The following ADARB2 variants were observed in gnomAD, a reference collection of about 807,000 sequenced individuals.
ADARB2 encodes the protein inactive double-stranded RNA-specific editase B2.
Under a neutral mutation model 62.2 loss-of-function variants are expected in ADARB2, and 25 were observed. The observed-to-expected ratio is 0.40, with a 90% CI of 0.29 to 0.56. The LOEUF (loss-of-function observed/expected upper bound fraction) is 0.56. ADARB2 is among the 20% of genes least tolerant of loss of function. The pLI, the probability that ADARB2 is intolerant of heterozygous loss-of-function variation, is 0.43. For synonymous variants in ADARB2, 572 were observed against 500.8 expected (o/e 1.14, Z -1.90); for missense variants, 1,071 against 1,077.4 (o/e 0.99, Z 0.08).
intron 8 of ADARB2, among the ~76,000 whole-genome samples, chr10:1,185,516 A>C (rs1836740725): frequency 6.6e-6 from 1 of 152,066 alleles, no homozygotes; most frequent in Non-Finnish European, 1.5e-5. Flanking sequence ...AAAACAAAAC[A>C]ATAAAAACCA....
intron 2 of ADARB2, among the ~76,000 whole-genome samples, chr10:1,371,887 T>C (rs1832375887): frequency 8.0e-6 from 1 of 125,732 alleles, no homozygotes; most frequent in African/African-American, 2.7e-5. Context: ...TCCACTTCTA[T>C]GGAAAACGGT....
At chr10:1,474,916 C>A (rs376117906) in intron 1 of ADARB2, among the ~76,000 whole-genome samples, 13 of 152,276 alleles carry the variant, frequency 8.5e-5, no homozygotes, top group Admixed American at 5.9e-4. Flanking sequence ...ACGGCTGGAC[C>A]GAGCCCGGGG....
intron 1 of ADARB2, among the ~76,000 whole-genome samples, chr10:1,399,682 C>T (rs1236321900): frequency 6.6e-6 from 1 of 152,156 alleles, no homozygotes; most frequent in African/African-American, 2.4e-5. Context: ...GTGGTCTTTC[C>T]TACGTTCAGG....
At chr10:1,311,969 A>G (rs1157244328) in intron 3 of ADARB2, among the ~76,000 whole-genome samples, 1 of 152,210 alleles carries the variant, frequency 6.6e-6, no homozygotes, top group East Asian at 1.9e-4. Context: ...TCCTCCTGGT[A>G]CCTGCGGACT....
At chr10:1,520,737 C>T (rs1200423648) in intron 1 of ADARB2, among the ~76,000 whole-genome samples, 2 of 152,184 alleles carry the variant, frequency 1.3e-5, no homozygotes, top group Non-Finnish European at 2.9e-5. Flanking sequence ...TATGTATCAC[C>T]TCCTATGATA....
At chr10:1,647,983 G>T (rs1483482098) in intron 1 of ADARB2, among the ~76,000 whole-genome samples, 1 of 152,124 alleles carries the variant, frequency 6.6e-6, no homozygotes, top group Non-Finnish European at 1.5e-5. Flanking sequence ...CATTAAACTG[G>T]TGTGATAAAT....
At chr10:1,366,634 G>C (rs1832316137) in intron 2 of ADARB2, among the ~76,000 whole-genome samples, 1 of 152,148 alleles carries the variant, frequency 6.6e-6, no homozygotes, top group African/African-American at 2.4e-5. Flanking sequence ...TTCAGTCCTA[G>C]GCATCGGATC....
intron 1 of ADARB2, among the ~76,000 whole-genome samples, chr10:1,661,362 A>G (rs759108991): frequency 1.6e-4 from 24 of 152,164 alleles, no homozygotes; most frequent in Admixed American, 7.9e-4. Flanking sequence ...CAGATGGCCT[A>G]TGTCTCACAG....
At position 1,733,633 on chromosome 10, in the gene ADARB2, TAAC is replaced by T. The variant is rs538026268; in HGVS notation, c.100+3415_100+3417del. ...TTAATCTACCTGGTTGAACGGATAT[TAAC>T]AAAAAAAACCCTTTTTCTTTATTAT... On this transcript the variant is annotated intron_variant, in intron 1 of 9. Coordinates refer to ENST00000381312, the MANE Select transcript of ADARB2 (RefSeq NM_018702.4). Among the ~76,000 whole-genome samples the T allele has an allele frequency of 1.7e-3, 262 of 152,158 alleles. 5 individuals carry two copies. In the South Asian group the frequency reaches 0.035, roughly 20 times the overall value.
chr10:1,499,511 A>G (rs972707791), intron 1 of ADARB2, among the ~76,000 whole-genome samples: 3 of 150,872 alleles, frequency 2.0e-5, no homozygotes, highest in Admixed American at 6.6e-5. Context: ...TCACTCACTC[A>G]TTACTCACTC....
chr10:1,473,752 G>C (rs958060012), intron 1 of ADARB2, among the ~76,000 whole-genome samples: 2 of 152,242 alleles, frequency 1.3e-5, no homozygotes, highest in African/African-American at 2.4e-5. Flanking sequence ...ATAGACATTA[G>C]GGAAATTTAT....
chr10:1,183,973 C>T (rs1022603050), intron 9 of ADARB2, among the ~76,000 whole-genome samples: 1 of 152,216 alleles, frequency 6.6e-6, no homozygotes, highest in Non-Finnish European at 1.5e-5. Flanking sequence ...CCCTTTTGCT[C>T]AGCAGGACAG....
At chr10:1,562,308 T>C (rs1220327847) in intron 1 of ADARB2, among the ~76,000 whole-genome samples, 3 of 152,134 alleles carry the variant, frequency 2.0e-5, no homozygotes, top group African/African-American at 7.2e-5. Context: ...GAGGCCCTCA[T>C]CACTTGTGCA....
At chr10:1,199,109 ACAGG>A (rs1836948892) in intron 8 of ADARB2, among the ~76,000 whole-genome samples, 1 of 152,192 alleles carries the variant, frequency 6.6e-6, no homozygotes, top group Non-Finnish European at 1.5e-5. Flanking sequence ...TGATTCTGCC[ACAGG>A]CAGGCCCTTC....
At chr10:1,465,105 T>A (rs1033458490) in intron 1 of ADARB2, among the ~76,000 whole-genome samples, 4 of 152,224 alleles carry the variant, frequency 2.6e-5, no homozygotes. Context: ...TCAAGACACG[T>A]CCTGCTCGGT....
chr10:1,505,655 C>T (rs1831836635), intron 1 of ADARB2, among the ~76,000 whole-genome samples: 1 of 151,930 alleles, frequency 6.6e-6, no homozygotes, highest in Admixed American at 6.6e-5. Flanking sequence ...CCCACCATGG[C>T]AGCCACCTCC....
rs1487686371 is a variant in ADARB2 at position 1,363,109 on chromosome 10, C to A, written c.996G>T (p.Ala332=). 6 of 1,533,082 alleles carry A rather than the reference C, an allele frequency of 3.9e-6. No individual in the cohort carries two copies. The East Asian group carries it at 7.9e-5, about 20-fold the overall frequency. The allele number at this position is 1,533,082 out of a possible 1,614,324, so 95.0% of individuals were successfully genotyped here. A position where few individuals can be genotyped will look rare whatever the true frequency, so the allele number is the denominator to read the frequency against. ...RSKKLARGQA[A]QAALQELFDI... is the part of the protein sequence containing the mutation. Reference sequence around the variant, plus strand: ...CGAACAGCTCCTGCAGTGCGGCCTGCGCGGCCTGACCCCGGGCCAGCTTCT... The same window carrying A: ...CGAACAGCTCCTGCAGTGCGGCCTGAGCGGCCTGACCCCGGGCCAGCTTCT... The change falls in exon 3 of 10, where the codon GCG becomes GCT. Residue 332 remains alanine, a synonymous_variant. Coordinates refer to ENST00000381312, the MANE Select transcript of ADARB2 (RefSeq NM_018702.4).
intron 3 of ADARB2, among the ~76,000 whole-genome samples, chr10:1,352,549 T>C (rs994890490): frequency 2.1e-4 from 32 of 152,186 alleles, no homozygotes. Flanking sequence ...CCAAACAACT[T>C]GACCTTACTG....
rs374467841 is a variant in ADARB2 at position 1,179,812 on chromosome 10, G to A, written c.*3381C>T. On this transcript the variant is annotated 3_prime_UTR_variant, in exon 10 of 10. Transcript: ENST00000381312. ...GCTTGGCGGTGTCAGGTGGTGGGAA[G>A]TGCGAGGAAGCCAGACGGTGATTTC... 7.2e-5 allele frequency: 11 copies of A among 152,404 alleles called. No homozygotes were observed. The East Asian group carries it at 1.5e-3, about 21-fold the overall frequency. 9.4% of individuals were successfully genotyped at this position (152,404 alleles called of 1,614,324 possible).
Sources: gnomAD v4.1 joint callset for allele counts (sites outside exome capture counted in the v4.1 genomes callset) on GRCh38, gnomAD v4.1.1 for gene constraint, MANE v1.5 for transcripts, NCBI Gene and HGNC (gene_info 2026-07-23, HGNC 2026-07-21) for gene names.